DAG1: variants seen among roughly 807,000 people sequenced by gnomAD.
DAG1 encodes the protein dystroglycan 1.
In DAG1, 8 loss-of-function variants were observed where a neutral mutation model predicts 46.1. That is an observed-to-expected ratio of 0.17 (90% CI 0.10 to 0.31). The LOEUF (loss-of-function observed/expected upper bound fraction) is 0.31, where lower values mean the gene tolerates loss of function less well. Among genes scored for constraint, DAG1 ranks in the 10% least tolerant of loss-of-function variants. DAG1 has a pLI of 1.00. For missense variants in DAG1, 1,003 were observed against 1,189.9 expected (o/e 0.84, Z 2.31); for synonymous variants, 495 against 481.8 (o/e 1.03, Z -0.36).
At chr3:49,475,312 C>A (rs1253480567) in intron 1 of DAG1, among the ~76,000 whole-genome samples, 2 of 151,056 alleles carry the variant, frequency 1.3e-5, no homozygotes, top group Non-Finnish European at 2.9e-5. Flanking sequence ...CCATGTTGGT[C>A]AGGCTGGTAT....
rs1430908564 is a variant in DAG1, at chr3:49,531,426, T to A, written c.915T>A (p.Pro305=). Residue 305 remains proline, a synonymous_variant, in exon 3 of 3, where the codon CCT becomes CCA. Coordinates refer to ENST00000308775, the MANE Select transcript of DAG1 (RefSeq NM_004393.6). The surrounding 1 kb of genome is among the most constrained non-coding windows in gnomAD (Gnocchi z 7.0). ...GGCACATCGCCAATAAGAAGCCCCC[T>A]CTTCCCAAACGCGTCCGGAGGCAGA... ...VGWHIANKKP[P]LPKRVRRQIH... is the part of the protein sequence containing the mutation. 1 of 1,613,410 alleles carries A rather than the reference T, an allele frequency of 6.2e-7. No homozygotes were observed. The highest frequency in any genetic ancestry group is 8.5e-7 in the Non-Finnish European group (1 of 1,179,900).
chr3:49,494,695 C>T (rs931988329), intron 1 of DAG1, among the ~76,000 whole-genome samples: 4 of 148,286 alleles, frequency 2.7e-5, no homozygotes, highest in South Asian at 2.1e-4. Flanking sequence ...AGTGCAGTGG[C>T]GTGATCTTGG....
chr3:49,535,111 A>G lies in DAG1; in HGVS notation c.*1912A>G, dbSNP rs187937986. 80 of 152,314 alleles carry G rather than the reference A, an allele frequency of 5.3e-4. No homozygotes were observed. Among genetic ancestry groups the G allele is most frequent in the African/African-American group, 1.8e-3 (75 of 41,562 alleles). 9.4% of individuals were successfully genotyped at this position (152,314 alleles called of 1,614,324 possible). A position where few individuals can be genotyped will look rare whatever the true frequency, so the allele number is the denominator to read the frequency against. ...AGTGCCCCTGTGGGGGAGCCTGTAA[A>G]TGCGGGCTCAGTGGACCACTGGTGA... On this transcript the variant is annotated 3_prime_UTR_variant, in exon 3 of 3. Transcript: ENST00000308775.
At chr3:49,507,097 T>A (rs2050624218) in intron 1 of DAG1, among the ~76,000 whole-genome samples, 1 of 152,168 alleles carries the variant, frequency 6.6e-6, no homozygotes, top group African/African-American at 2.4e-5. Context: ...ATGCCTGTAA[T>A]TCCAGAACTT....
chr3:49,530,691 T>C lies in DAG1; in HGVS notation c.286-106T>C. The C allele has an allele frequency of 3.2e-6, 5 of 1,542,160 alleles. No homozygotes were observed. The Admixed American group carries it at 8.9e-5, about 27-fold the overall frequency. The stretch of plus-strand genomic sequence containing the variant: ...GAATCAGCTTCCCCAGCAGGCATTC[T>C]GAATTATACCTTAAACCTGTCACAC... On this transcript the variant is annotated intron_variant, in intron 2 of 2. Coordinates refer to ENST00000308775, the MANE Select transcript of DAG1 (RefSeq NM_004393.6).
chr3:49,524,184 G>T (rs1008587780), intron 2 of DAG1, among the ~76,000 whole-genome samples: 3 of 152,192 alleles, frequency 2.0e-5, no homozygotes, highest in African/African-American at 7.2e-5. Flanking sequence ...CCTGAGCTGA[G>T]TCCCTTTGGG....
intron 2 of DAG1, among the ~76,000 whole-genome samples, chr3:49,518,316 A>G (rs1334314196): frequency 6.6e-6 from 1 of 152,186 alleles, no homozygotes; most frequent in African/African-American, 2.4e-5. Context: ...TCCAGTGTTT[A>G]TAGCACACTT....
intron 1 of DAG1, among the ~76,000 whole-genome samples, chr3:49,506,589 GTTAATTTTCAAATATTGAGCTGA>G (rs1252613955): frequency 6.6e-5 from 10 of 152,076 alleles, no homozygotes; most frequent in African/African-American, 2.2e-4. Flanking sequence ...TGTTAATATG[GTTAATTTTCAAATATTGAGCTGA>G]TTAATTTTCA....
In DAG1 at chr3:49,532,326, T is replaced by C. The variant is rs1284538614; in HGVS notation, c.1815T>C (p.Pro605=). ...GGCGCCCCCAAGGGGATAGGGCTCC[T>C]GCAAGGTTCAAGGCCAAGTTTGTGG... is the stretch of plus-strand genomic sequence containing the variant. ...VHRRPQGDRA[P]ARFKAKFVGD... The change falls in exon 3 of 3, where the codon CCT becomes CCC. Residue 605 remains proline, a synonymous_variant. Transcript: ENST00000308775. This position sits in a 1 kb window ranked among gnomAD's most constrained non-coding sequence, Gnocchi z 5.4. 3 of 1,614,176 alleles carry C rather than the reference T, an allele frequency of 1.9e-6. No individual in the cohort carries two copies. In the Admixed American group the frequency reaches 5.0e-5, roughly 27 times the overall value.
intron 1 of DAG1, among the ~76,000 whole-genome samples, chr3:49,474,047 C>G (rs1005691546): frequency 3.9e-5 from 6 of 152,004 alleles, no homozygotes; most frequent in African/African-American, 1.5e-4. Flanking sequence ...GCCATCACTC[C>G]TGGCTAATAT....
chr3:49,491,616 G>C (rs1237554546), intron 1 of DAG1, among the ~76,000 whole-genome samples: 1 of 151,528 alleles, frequency 6.6e-6, no homozygotes, highest in Non-Finnish European at 1.5e-5. Context: ...AGCTGGGACT[G>C]CAGGCGTCCG....
intron 1 of DAG1, among the ~76,000 whole-genome samples, chr3:49,483,327 C>G (rs569443758): frequency 6.6e-6 from 1 of 151,996 alleles, no homozygotes; most frequent in South Asian, 2.1e-4. Context: ...CCACAGCCTC[C>G]CAAGTAGCTG....
chr3:49,497,005 TG>T (rs1312658844), intron 1 of DAG1, among the ~76,000 whole-genome samples: 6 of 151,998 alleles, frequency 3.9e-5, no homozygotes, highest in South Asian at 2.1e-4. Flanking sequence ...CCATTAAAAA[TG>T]TTTTTTTTAG....
At chr3:49,492,223 C>T (rs2050209011) in intron 1 of DAG1, among the ~76,000 whole-genome samples, 1 of 152,224 alleles carries the variant, frequency 6.6e-6, no homozygotes, top group South Asian at 2.1e-4. Context: ...CCGTACCCCG[C>T]CTGGCTCCAA....
At chr3:49,520,796 G>A (rs1308887987) in intron 2 of DAG1, among the ~76,000 whole-genome samples, 1 of 152,106 alleles carries the variant, frequency 6.6e-6, no homozygotes, top group Non-Finnish European at 1.5e-5. Flanking sequence ...CTCTTTACTG[G>A]CCATCATCAG....
At chr3:49,527,794 A>G (rs1368090268) in intron 2 of DAG1, among the ~76,000 whole-genome samples, 1 of 152,158 alleles carries the variant, frequency 6.6e-6, no homozygotes, top group Non-Finnish European at 1.5e-5. Context: ...CTAGCCACTC[A>G]GGAATGTCCC....
intron 1 of DAG1, among the ~76,000 whole-genome samples, chr3:49,497,828 G>A (rs2054113432): frequency 2.0e-5 from 3 of 152,154 alleles, no homozygotes; most frequent in Admixed American, 2.0e-4. Context: ...TGGTTCAGTG[G>A]AGAATGACTG....
chr3:49,520,075 T>G (rs1275118679), intron 2 of DAG1, among the ~76,000 whole-genome samples: 1 of 152,210 alleles, frequency 6.6e-6, no homozygotes, highest in Non-Finnish European at 1.5e-5. Context: ...CTTGTGGGTG[T>G]GACTCTGCTA....
In DAG1 at chr3:49,531,894, G is replaced by C; in HGVS notation, c.1383G>C (p.Arg461=). ...CACGGACACCCCGGCCAGTGCCCCG[G>C]GTCACCACCAAAGTTTCCATCACCA... ...KKPRTPRPVP[R]VTTKVSITRL... The change falls in exon 3 of 3, where the codon CGG becomes CGC. Residue 461 remains arginine (R), a synonymous_variant. Coordinates refer to ENST00000308775, the MANE Select transcript of DAG1 (RefSeq NM_004393.6). This position sits in a 1 kb window ranked among gnomAD's most constrained non-coding sequence, Gnocchi z 7.0. 6.2e-7 allele frequency: 1 copy of C among 1,613,976 alleles called. No homozygotes were observed. Among genetic ancestry groups the C allele is most frequent in the Non-Finnish European group, 8.5e-7 (1 of 1,179,998 alleles).
Sources: gnomAD v4.1 joint callset for allele counts (sites outside exome capture counted in the v4.1 genomes callset) on GRCh38, gnomAD v4.1.1 for gene constraint, Gnocchi (gnomAD v3.1) non-coding constraint, MANE v1.5 for transcripts, NCBI Gene and HGNC (gene_info 2026-07-23, HGNC 2026-07-21) for gene names.